UNC45B: variants seen among roughly 807,000 people sequenced by gnomAD.
UNC45B encodes unc-45 myosin chaperone B, also known as protein unc-45 homolog B.
UNC45B carries 78 observed loss-of-function variants against 98.7 expected under a neutral mutation model. The observed-to-expected ratio is 0.79, with a 90% confidence interval of 0.66 to 0.95. The LOEUF (loss-of-function observed/expected upper bound fraction) is 0.95, where lower values mean the gene tolerates loss of function less well. Among genes scored for constraint, UNC45B ranks in the 40% least tolerant of loss-of-function variants. The pLI is 0.00. For synonymous variants in UNC45B, 462 were observed against 480.4 expected (o/e 0.96, Z 0.50); for missense variants, 1,225 against 1,184.9 (o/e 1.03, Z -0.50).
At chr17:35,176,123 C>A in intron 15 of UNC45B, 89 bp downstream of exon 15, 1 of 1,339,818 alleles carries the variant, frequency 7.5e-7, no homozygotes, top group Non-Finnish European at 1.1e-6. Flanking sequence ...CCAACTCGAC[C>A]TCCTGGAATA....
chr17:35,160,460 A>G (rs1367725999), intron 8 of UNC45B, among the ~76,000 whole-genome samples: 1 of 152,098 alleles, frequency 6.6e-6, no homozygotes, highest in East Asian at 1.9e-4. Context: ...CTTTTTAGAG[A>G]CAGAGTCTCA....
At position 35,148,553 on chromosome 17, in the gene UNC45B, G is replaced by A. The variant is rs1017629610; in HGVS notation, c.168+122G>A. The stretch of plus-strand genomic sequence containing the variant: ...CAGCCGACTCTCCTGGATGCCTGGG[G>A]TTGGAGAAGGGTGCCTCCAACCCCC... On this transcript the variant is annotated intron_variant, in intron 2 of 19. Coordinates refer to ENST00000394570, the MANE Select transcript of UNC45B (RefSeq NM_001267052.2). 3 of 1,202,580 alleles carry A rather than the reference G, an allele frequency of 2.5e-6. No homozygotes were observed. The African/African-American group carries it at 4.6e-5, about 18-fold the overall frequency. The allele number at this position is 1,202,580 out of a possible 1,614,324, so 74.5% of individuals were successfully genotyped here.
intron 9 of UNC45B, among the ~76,000 whole-genome samples, chr17:35,166,107 AAAAATT>A (rs2092138607): frequency 6.7e-6 from 1 of 148,416 alleles, no homozygotes; most frequent in Non-Finnish European, 1.5e-5. Context: ...AAAAAAAAAA[AAAAATT>A]AAAAATGAGT....
In UNC45B at chr17:35,155,333, T is replaced by G. The variant is rs1426667541; in HGVS notation, c.677T>G (p.Ile226Ser). 2 of 1,614,194 alleles carry G rather than the reference T, an allele frequency of 1.2e-6. No homozygotes were observed. The highest frequency in any genetic ancestry group is 1.7e-6 in the Non-Finnish European group (2 of 1,180,042). The part of the protein sequence containing the change: ...VILHAVRIDR[I>S]CSLMAVENEE... Reference sequence around the variant, plus strand: ...CTGCATGCAGTGCGGATAGACCGAATCTGTAGCCTCATGGCCGTGGAGAAT... The same window carrying G: ...CTGCATGCAGTGCGGATAGACCGAAGCTGTAGCCTCATGGCCGTGGAGAAT... Residue 226 changes from isoleucine to serine, a missense_variant, in exon 7 of 20, where the codon ATC (isoleucine) becomes AGC (serine). Transcript: ENST00000394570.
Position 35,176,011 on chromosome 17 carries a change from A to AT in UNC45B, c.2004dup (p.Val669CysfsTer48). ...TGACAACCCAAAGGACCGAGGCACC[A>AT]TTGTGGCTCAAGGTGGTGGCAAGGT... On this transcript the variant is annotated frameshift_variant, in exon 15 of 20. Coordinates refer to ENST00000394570, the MANE Select transcript of UNC45B (RefSeq NM_001267052.2). LOFTEE classifies it high-confidence loss of function. The AT allele has an allele frequency of 6.2e-7, 1 of 1,614,098 alleles. No homozygotes were observed. The highest frequency in any genetic ancestry group is 8.5e-7 in the Non-Finnish European group (1 of 1,180,018).
rs145062905 is a variant in UNC45B at position 35,148,981 on chromosome 17, C to T, written c.177C>T (p.Tyr59=). ...RAACGLKTES[Y]VQAASDASRA... is the part of the protein sequence containing the mutation. The stretch of plus-strand genomic sequence containing the variant: ...CCTTCCCCTTTCCTCAGGAGAGCTA[C>T]GTCCAGGCAGCTTCAGATGCCTCCA... The change falls in exon 3 of 20, where the codon TAC becomes TAT. Residue 59 remains tyrosine (Y), a synonymous_variant. Transcript: ENST00000394570. 247 of 1,614,034 alleles carry T rather than the reference C, an allele frequency of 1.5e-4. No individual in the cohort carries two copies. Among genetic ancestry groups the T allele is most frequent in the Non-Finnish European group, 1.9e-4 (225 of 1,180,030 alleles).
At chr17:35,154,527 G>A (rs760263687) in intron 5 of UNC45B, 47 bp from the exon 6 acceptor site, 2 of 1,589,988 alleles carry the variant, frequency 1.3e-6, no homozygotes, top group East Asian at 4.6e-5. Flanking sequence ...TCCAGGCCTG[G>A]GTGGCCGTAC....
In UNC45B at chr17:35,155,296, G is replaced by A. The variant is rs1446528260; in HGVS notation, c.640G>A (p.Ala214Thr). The change falls in exon 7 of 20, where the codon GCC becomes ACC. Residue 214 changes from alanine to threonine, a missense_variant and splice_region_variant. Physicochemically the swap from Ala to Thr is moderately conservative, Grantham distance 58. Coordinates refer to ENST00000394570, the MANE Select transcript of UNC45B (RefSeq NM_001267052.2). Reference sequence around the variant, plus strand: ...ACCATGGTTCTTGCTGGGGTTCTAGGCCACAGTGATTCTGCATGCAGTGCG... The same window carrying A: ...ACCATGGTTCTTGCTGGGGTTCTAGACCACAGTGATTCTGCATGCAGTGCG... ...SGMCSGHQAR[A>T]TVILHAVRID... 6.2e-7 allele frequency: 1 copy of A among 1,613,764 alleles called. No individual in the cohort carries two copies. Among genetic ancestry groups the A allele is most frequent in the Non-Finnish European group, 8.5e-7 (1 of 1,179,850 alleles).
At position 35,187,796 on chromosome 17, in the gene UNC45B, T is replaced by A. The variant is rs2092312788; in HGVS notation, c.*1237T>A. On this transcript the variant is annotated 3_prime_UTR_variant, in exon 20 of 20. Transcript: ENST00000394570. ...GTAGATCAGAACCTCTCTGCTAATA[T>A]TGCCTTTTTAGCATGGTTAAGATAG... The A allele has an allele frequency of 6.6e-6, 1 of 152,240 alleles. No individual in the cohort carries two copies. Among genetic ancestry groups the A allele is most frequent in the African/African-American group, 2.4e-5 (1 of 41,466 alleles). 9.4% of individuals were successfully genotyped at this position (152,240 alleles called of 1,614,324 possible).
chr17:35,165,327 C>G (rs1172906050), intron 9 of UNC45B, among the ~76,000 whole-genome samples: 8 of 152,234 alleles, frequency 5.3e-5, no homozygotes, highest in Admixed American at 5.2e-4. Flanking sequence ...AGTCTCCTCA[C>G]TGGTGCTCCA....
chr17:35,170,672 C>T (rs2092178805), intron 12 of UNC45B, among the ~76,000 whole-genome samples: 1 of 151,520 alleles, frequency 6.6e-6, no homozygotes, highest in African/African-American at 2.4e-5. Flanking sequence ...CCCAACTCTA[C>T]AAAAAATACA....
Position 35,170,182 on chromosome 17 carries a change from C to T in UNC45B, c.1616C>T (p.Thr539Met), listed in dbSNP as rs371417310. ...RWAVEGLAYL[T>M]LDADVKDDFV... ...GCAGTGGAGGGCCTGGCCTACCTCA[C>T]GCTGGACGCTGATGTGAAGGACGAC... Residue 539 changes from threonine (T) to methionine (M), a missense_variant, in exon 12 of 20, where the codon ACG becomes ATG. By Grantham distance (81) the Thr-to-Met change is moderately conservative. Coordinates refer to ENST00000394570, the MANE Select transcript of UNC45B (RefSeq NM_001267052.2). 16 of 1,613,864 alleles carry T rather than the reference C, an allele frequency of 9.9e-6. No individual in the cohort carries two copies. The highest frequency in any genetic ancestry group is 1.3e-5 in the African/African-American group (1 of 74,928).
chr17:35,150,005 G>A (rs896376895), intron 3 of UNC45B, 43 bp from the exon 4 acceptor site: 1 of 1,536,694 alleles, frequency 6.5e-7, no homozygotes, highest in Non-Finnish European at 8.7e-7. Flanking sequence ...GTGGTCTGTA[G>A]TCTGGCTCCC....
intron 13 of UNC45B, among the ~76,000 whole-genome samples, chr17:35,173,639 G>T (rs182841755): frequency 4.1e-4 from 62 of 152,052 alleles, no homozygotes; most frequent in African/African-American, 1.3e-3. Flanking sequence ...ACATCTCCTA[G>T]TACTAACTCT....
rs2142535997 is a variant in UNC45B, at chr17:35,154,643, G to A, written c.541G>A (p.Val181Ile). The change falls in exon 6 of 20, where the codon GTA becomes ATA. Residue 181 changes from valine to isoleucine, a missense_variant. By Grantham distance (29) the Val-to-Ile change is conservative. Transcript: ENST00000394570. The part of the protein sequence containing the change: ...GAEKIFQNNG[V>I]ALLLQLLDTK... Reference sequence around the variant, plus strand: ...TGAGAAGATCTTCCAGAACAATGGAGTAGCCTTGCTACTGCAGCTTCTGGA... The same window carrying A: ...TGAGAAGATCTTCCAGAACAATGGAATAGCCTTGCTACTGCAGCTTCTGGA... The A allele has an allele frequency of 6.2e-7, 1 of 1,613,566 alleles. No individual in the cohort carries two copies.
intron 7 of UNC45B, among the ~76,000 whole-genome samples, chr17:35,158,287 C>T (rs572028447): frequency 2.6e-5 from 4 of 152,336 alleles, no homozygotes; most frequent in African/African-American, 9.6e-5. Flanking sequence ...GCTTGTGTGG[C>T]TGGCAGTCAA....
In UNC45B at chr17:35,177,608, C is replaced by T. The variant is rs1016118324; in HGVS notation, c.2253C>T (p.Leu751=). 6 of 1,552,328 alleles carry T rather than the reference C, an allele frequency of 3.9e-6. No individual in the cohort carries two copies. The African/African-American group carries it at 8.2e-5, about 21-fold the overall frequency. The stretch of plus-strand genomic sequence containing the variant: ...ACCTGTCTGGGCGGAGTGACAAACT[C>T]CGGTGAGTGTGGTGAGTGTGGCAGG... ...LTNLSGRSDK[L]RQKIFKERAL... is the part of the protein sequence containing the mutation. Residue 751 remains leucine, a splice_region_variant and synonymous_variant, in exon 17 of 20, where the codon CTC becomes CTT. Coordinates refer to ENST00000394570, the MANE Select transcript of UNC45B (RefSeq NM_001267052.2).
At chr17:35,156,404 G>T (rs111387163) in intron 7 of UNC45B, among the ~76,000 whole-genome samples, 36,473 of 152,046 alleles carry the variant, frequency 0.24, 5,102 homozygotes, top group East Asian at 0.4. Context: ...GAGGTGGATG[G>T]ATCATGAGGT....
chr17:35,164,305 G>A, intron 9 of UNC45B, 139 bp downstream of exon 9: 1 of 1,032,530 alleles, frequency 9.7e-7, no homozygotes, highest in Non-Finnish European at 1.3e-6. Flanking sequence ...GGAGTGGTTT[G>A]GCTGGGTGGC....
Sources: gnomAD v4.1 joint callset for allele counts (sites outside exome capture counted in the v4.1 genomes callset) on GRCh38, gnomAD v4.1.1 for gene constraint, MANE v1.5 for transcripts, NCBI Gene and HGNC (gene_info 2026-07-23, HGNC 2026-07-21) for gene names.